Variants in KIF16B observed in about 807,000 individuals in gnomAD.
KIF16B encodes the protein kinesin family member 16B, also known as kinesin-like protein KIF16B.
Under a neutral mutation model 156.3 loss-of-function variants are expected in KIF16B, and 98 were observed. That is an observed-to-expected ratio of 0.63 (90% confidence interval 0.53 to 0.74). KIF16B has a LOEUF of 0.74. Ranked by LOEUF, KIF16B falls within the 30% of genes least tolerant of loss-of-function variation. The pLI is 0.00. For missense variants in KIF16B, 1,421 were observed against 1,606.5 expected (o/e 0.88, Z 1.97); for synonymous variants, 564 against 583.7 (o/e 0.97, Z 0.49).
At chr20:16,544,061 C>T (rs954385307) in intron 1 of KIF16B, among the ~76,000 whole-genome samples, 7 of 152,200 alleles carry the variant, frequency 4.6e-5, no homozygotes, top group African/African-American at 1.2e-4. Context: ...AGAGAATCCA[C>T]ACGATTGCTC....
chr20:16,342,800 A>C (rs369177901), intron 23 of KIF16B, among the ~76,000 whole-genome samples: 5 of 152,330 alleles, frequency 3.3e-5, no homozygotes, highest in Admixed American at 1.3e-4. Flanking sequence ...GATGATGAGT[A>C]TCACCAGCAA....
At position 16,469,254 on chromosome 20, in the gene KIF16B, T is replaced by TAAAAAAAAAAAAA. The variant is rs57114751; in HGVS notation, c.1302+25024_1302+25036dup. 1.4e-4 allele frequency among the ~76,000 whole-genome samples: 9 copies of TAAAAAAAAAAAAA among 66,076 alleles called. 2 individuals carry two copies. Among genetic ancestry groups the TAAAAAAAAAAAAA allele is most frequent in the African/African-American group, 1.7e-4 (3 of 17,604 alleles). 43.3% of individuals were successfully genotyped at this position (66,076 alleles called of 152,430 possible). A position where few individuals can be genotyped will look rare whatever the true frequency, so the allele number is the denominator to read the frequency against. ...GGTGACAGAGCAGGACCCTGTGTCT[T>TAAAAAAAAAAAAA]AAAAAAAAAAAAAAAAAAAAAAAAA... On this transcript the variant is annotated intron_variant, in intron 12 of 25. Coordinates refer to ENST00000354981, the MANE Select transcript of KIF16B (RefSeq NM_024704.5).
chr20:16,371,833 C>G, intron 20 of KIF16B, 72 bp from the exon 21 acceptor site: 2 of 1,018,868 alleles, frequency 2.0e-6, no homozygotes, highest in Non-Finnish European at 3.1e-6. Context: ...CCTCTCTTTA[C>G]TACGCCCTTC....
intron 2 of KIF16B, among the ~76,000 whole-genome samples, chr20:16,527,579 T>G (rs571608430): frequency 1.3e-5 from 2 of 152,304 alleles, no homozygotes; most frequent in East Asian, 3.9e-4. Context: ...GTTGTTGTTT[T>G]TTTGTTTGTT....
intron 12 of KIF16B, among the ~76,000 whole-genome samples, chr20:16,476,050 C>G (rs1399442526): frequency 6.6e-6 from 1 of 152,188 alleles, no homozygotes; most frequent in African/African-American, 2.4e-5. Context: ...AGGCCCAATT[C>G]CATGGTATTG....
chr20:16,401,454 C>T (rs1449450944), intron 17 of KIF16B, among the ~76,000 whole-genome samples: 4 of 152,176 alleles, frequency 2.6e-5, no homozygotes, highest in Admixed American at 1.3e-4. Context: ...TGTCTCATTC[C>T]AGTATTTGGA....
intron 20 of KIF16B, among the ~76,000 whole-genome samples, chr20:16,372,917 T>C (rs6043915): frequency 0.46 from 70,254 of 152,012 alleles, 16,923 homozygotes; most frequent in African/African-American, 0.61. Flanking sequence ...AGGCTGGTCT[T>C]GAACTCCTGA....
intron 22 of KIF16B, among the ~76,000 whole-genome samples, chr20:16,362,333 T>TA (rs5840713): frequency 0.22 from 33,650 of 152,124 alleles, 4,301 homozygotes; most frequent in East Asian, 0.62. Flanking sequence ...GCTATGACTG[T>TA]GTCTAAGCTT....
At chr20:16,368,316 C>A (rs1414582619) in intron 22 of KIF16B, 1 of 992,180 alleles carries the variant, frequency 1.0e-6, no homozygotes, top group African/African-American at 1.7e-5. Context: ...GCGCCGCACC[C>A]TCTGCTGGCC....
At chr20:16,385,613 C>A (rs1433744664) in intron 17 of KIF16B, among the ~76,000 whole-genome samples, 1 of 152,196 alleles carries the variant, frequency 6.6e-6, no homozygotes, top group Non-Finnish European at 1.5e-5. Context: ...AAGTAAGATG[C>A]CTGCCTGGCA....
At chr20:16,468,760 C>G (rs1254200289) in intron 12 of KIF16B, among the ~76,000 whole-genome samples, 1 of 152,016 alleles carries the variant, frequency 6.6e-6, no homozygotes, top group Non-Finnish European at 1.5e-5. Flanking sequence ...TTCCAACACT[C>G]CTCTATGAGA....
At chr20:16,342,671 C>T (rs969089247) in intron 23 of KIF16B, among the ~76,000 whole-genome samples, 1 of 152,212 alleles carries the variant, frequency 6.6e-6, no homozygotes, top group Non-Finnish European at 1.5e-5. Context: ...AAAAATTCTT[C>T]ACTCTTGAGA....
chr20:16,459,662 A>ATT (rs1237896934), intron 12 of KIF16B, among the ~76,000 whole-genome samples: 9 of 152,206 alleles, frequency 5.9e-5, no homozygotes, highest in African/African-American at 2.2e-4. Context: ...TCTACTTTAA[A>ATT]AATCAGCAGG....
chr20:16,425,643 G>A (rs1420689164), intron 15 of KIF16B, among the ~76,000 whole-genome samples: 1 of 152,128 alleles, frequency 6.6e-6, no homozygotes, highest in African/African-American at 2.4e-5. Context: ...TAACTCCCCA[G>A]TGGGGAGGCC....
At chr20:16,419,408 C>T (rs1210730662) in intron 15 of KIF16B, among the ~76,000 whole-genome samples, 1 of 152,132 alleles carries the variant, frequency 6.6e-6, no homozygotes, top group Admixed American at 6.6e-5. Context: ...TCTAGTTCCA[C>T]TAAAATTCTT....
chr20:16,288,869 C>G (rs1230203847), intron 25 of KIF16B, among the ~76,000 whole-genome samples: 8 of 151,560 alleles, frequency 5.3e-5, no homozygotes, highest in Admixed American at 5.3e-4. Context: ...ATGGTATGTA[C>G]CTTAGTAAAC....
At chr20:16,381,596 G>C (rs2065097843) in intron 18 of KIF16B, 98 bp downstream of exon 18, 2 of 818,638 alleles carry the variant, frequency 2.4e-6, no homozygotes, top group South Asian at 3.9e-5. Flanking sequence ...CAGAGCAAGG[G>C]GGAAGTATTG....
chr20:16,336,660 G>A (rs914609058), intron 23 of KIF16B, among the ~76,000 whole-genome samples: 1 of 152,040 alleles, frequency 6.6e-6, no homozygotes, highest in African/African-American at 2.4e-5. Flanking sequence ...AATTCAATTT[G>A]TCCAAAACCA....
intron 17 of KIF16B, among the ~76,000 whole-genome samples, chr20:16,397,293 C>T (rs533417492): frequency 1.3e-5 from 2 of 152,240 alleles, no homozygotes; most frequent in African/African-American, 4.8e-5. Flanking sequence ...AGTCACCAGG[C>T]TTCTCTGCCT....
Sources: gnomAD v4.1 joint callset for allele counts (sites outside exome capture counted in the v4.1 genomes callset) on GRCh38, gnomAD v4.1.1 for gene constraint, MANE v1.5 for transcripts, NCBI Gene and HGNC (gene_info 2026-07-23, HGNC 2026-07-21) for gene names.